MYBBP1A: variants seen among roughly 807,000 people sequenced by gnomAD.
MYBBP1A encodes myb-binding protein 1A.
A neutral mutation model predicts 136.3 loss-of-function variants in MYBBP1A; 147 were observed. The ratio of observed to expected loss-of-function variants is 1.08; its 90% CI spans 0.94 to 1.24. MYBBP1A has a LOEUF of 1.24. Among genes scored for constraint, MYBBP1A ranks in the 50% most tolerant of loss-of-function variants. The pLI, the probability that MYBBP1A is intolerant of heterozygous loss-of-function variation, is 0.00. For missense variants in MYBBP1A, 2,060 were observed against 1,727.4 expected (o/e 1.19, Z -3.41); for synonymous variants, 947 against 735.8 (o/e 1.29, Z -4.65).
Position 4,540,086 on chromosome 17 carries a change from C to CCCTATGAGGGTCCCGTGAGGGT in MYBBP1A, c.3435-141_3435-120dup, listed in dbSNP as rs1009327474. 2.1e-4 allele frequency: 273 copies of CCCTATGAGGGTCCCGTGAGGGT among 1,289,610 alleles called. 1 individual carries two copies. Among genetic ancestry groups the CCCTATGAGGGTCCCGTGAGGGT allele is most frequent in the Middle Eastern group, 2.6e-4 (1 of 3,798 alleles). 79.9% of individuals were successfully genotyped at this position (1,289,610 alleles called of 1,614,324 possible). A position where few individuals can be genotyped will look rare whatever the true frequency, so the allele number is the denominator to read the frequency against. On this transcript the variant is annotated intron_variant, in intron 25 of 25. Transcript: ENST00000254718. ...CTGAGGCCCCTAGGTTCTGTGAGGC[C>CCCTATGAGGGTCCCGTGAGGGT]CCTATGAGGGTCCCGTGAGGGTCCT...
intron 10 of MYBBP1A, 123 bp downstream of exon 10, chr17:4,549,208 GC>G (rs1388130858): frequency 1.3e-6 from 1 of 753,504 alleles, no homozygotes; most frequent in Non-Finnish European, 2.1e-6. Flanking sequence ...CCTTGTGCCT[GC>G]CCCCCACTGA....
At chr17:4,551,852 A>G (rs1907535416) in intron 8 of MYBBP1A, 28 bp downstream of exon 8, 2 of 1,589,586 alleles carry the variant, frequency 1.3e-6, no homozygotes, top group Non-Finnish European at 1.7e-6. Flanking sequence ...CCTTTCTGGC[A>G]GTGTCGAGCT....
rs1036748828 is a variant in MYBBP1A, at chr17:4,552,311, T to C, written c.738-19A>G. On this transcript the variant is annotated intron_variant, in intron 6 of 25. Coordinates refer to ENST00000254718, the MANE Select transcript of MYBBP1A (RefSeq NM_014520.4). This position sits in a 1 kb window ranked among gnomAD's most constrained non-coding sequence, Gnocchi z 4.7. The stretch of plus-strand genomic sequence containing the variant: ...CACCAGCCTGCGGAGGGCAAGGGAC[T>C]CAGGGAACACTTGCCTCACAGGCAA... 1 of 1,613,318 alleles carries C rather than the reference T, an allele frequency of 6.2e-7. No homozygotes were observed. Among genetic ancestry groups the C allele is most frequent in the African/African-American group, 1.3e-5 (1 of 74,910 alleles).
At chr17:4,554,149 A>G (rs1335959377) in intron 3 of MYBBP1A, 46 bp downstream of exon 3, 1 of 1,612,472 alleles carries the variant, frequency 6.2e-7, no homozygotes, top group Non-Finnish European at 8.5e-7. Flanking sequence ...CCATTCCCCA[A>G]GCCTCCCACC....
chr17:4,540,655 G>A (rs1033669289), intron 24 of MYBBP1A, among the ~76,000 whole-genome samples, 171 bp from the exon 25 acceptor site: 8 of 151,012 alleles, frequency 5.3e-5, no homozygotes, highest in African/African-American at 1.9e-4. Context: ...TACCGAGGGA[G>A]GAAACACGCG....
rs1039020945 is a variant in MYBBP1A, at chr17:4,554,377, A to G, written c.295-99T>C. 25 of 1,028,078 alleles carry G rather than the reference A, an allele frequency of 2.4e-5. No individual in the cohort carries two copies. In the African/African-American group the frequency reaches 3.2e-4, roughly 13 times the overall value. 63.7% of individuals were successfully genotyped at this position (1,028,078 alleles called of 1,614,324 possible). A position where few individuals can be genotyped will look rare whatever the true frequency, so the allele number is the denominator to read the frequency against. On this transcript the variant is annotated intron_variant, in intron 2 of 25. Transcript: ENST00000254718. Reference sequence around the variant, plus strand: ...TCCCTTCCCCCTTCAACTTCTCCCAAGAAGCCTCAGGTCCCTAGTCCCACC... The same window carrying G: ...TCCCTTCCCCCTTCAACTTCTCCCAGGAAGCCTCAGGTCCCTAGTCCCACC...
Position 4,552,677 on chromosome 17 carries a change from G to C in MYBBP1A, c.562-51C>G. On this transcript the variant is annotated intron_variant, in intron 5 of 25. Transcript: ENST00000254718. The surrounding 1 kb of genome is among the most constrained non-coding windows in gnomAD (Gnocchi z 4.7). The stretch of plus-strand genomic sequence containing the variant: ...TGACTTCCTCTGCGGGGTGAGCCTG[G>C]TGGATCCTGTTCTACCTGCTCCTGA... The C allele has an allele frequency of 6.4e-7, 1 of 1,565,100 alleles. No homozygotes were observed. The highest frequency in any genetic ancestry group is 8.7e-7 in the Non-Finnish European group (1 of 1,147,290).
intron 19 of MYBBP1A, among the ~76,000 whole-genome samples, chr17:4,543,886 C>CT (rs5818964): frequency 2.0e-5 from 3 of 151,030 alleles, no homozygotes; most frequent in African/African-American, 4.9e-5. Flanking sequence ...GACTCAGACC[C>CT]TTCCCCACGC....
At position 4,541,675 on chromosome 17, in the gene MYBBP1A, G is replaced by T. The variant is rs1906447225; in HGVS notation, c.3195+109C>A. 3.5e-6 allele frequency: 5 copies of T among 1,436,444 alleles called. No homozygotes were observed. In the African/African-American group the frequency reaches 7.0e-5, roughly 20 times the overall value. 89.0% of individuals were successfully genotyped at this position (1,436,444 alleles called of 1,614,324 possible). A position where few individuals can be genotyped will look rare whatever the true frequency, so the allele number is the denominator to read the frequency against. On this transcript the variant is annotated intron_variant, in intron 23 of 25. Coordinates refer to ENST00000254718, the MANE Select transcript of MYBBP1A (RefSeq NM_014520.4). ...GGGACCGTCTCCTGGGACAACCCCAGTTCTCCCGACTCTGGACTCAGGCTC... is the reference window on the plus strand; with the variant it reads ...GGGACCGTCTCCTGGGACAACCCCATTTCTCCCGACTCTGGACTCAGGCTC...
rs756173574 is a variant in MYBBP1A at position 4,538,958 on chromosome 17, G to A, written c.*457C>T. ...TGCTCCTTTATTTTTTAGAGCTGCT[G>A]ATTGTGAATCTCAGAGTCTTAAGAG... On this transcript the variant is annotated 3_prime_UTR_variant, in exon 26 of 26. Transcript: ENST00000254718. 3 of 786,630 alleles carry A rather than the reference G, an allele frequency of 3.8e-6. 1 individual carries two copies. Among genetic ancestry groups the A allele is most frequent in the Admixed American group, 3.4e-5 (2 of 59,038 alleles). 48.7% of individuals were successfully genotyped at this position (786,630 alleles called of 1,614,324 possible).
chr17:4,554,681 C>G (rs140585803), intron 2 of MYBBP1A, among the ~76,000 whole-genome samples, 180 bp downstream of exon 2: 1 of 152,330 alleles, frequency 6.6e-6, no homozygotes, highest in Non-Finnish European at 1.5e-5. Flanking sequence ...CCAGGCCTTG[C>G]TCACACCTTC....
rs199695378 is a variant in MYBBP1A at position 4,539,006 on chromosome 17, G to A, written c.*409C>T. 4.4e-3 allele frequency: 3,555 copies of A among 815,496 alleles called. 12 individuals carry two copies. The highest frequency in any genetic ancestry group is 6.4e-3 in the Non-Finnish European group (2,865 of 450,076). 50.5% of individuals were successfully genotyped at this position (815,496 alleles called of 1,614,324 possible). ...GAGAGAAGCCAAATATATTCCTCTTGTAAATGAAGAAATAAACCTATTTAA... is the reference window on the plus strand; with the variant it reads ...GAGAGAAGCCAAATATATTCCTCTTATAAATGAAGAAATAAACCTATTTAA... On this transcript the variant is annotated 3_prime_UTR_variant, in exon 26 of 26. Transcript: ENST00000254718.
At position 4,553,994 on chromosome 17, in the gene MYBBP1A, C is replaced by A. The variant is rs573142261; in HGVS notation, c.453+25G>T. The A allele has an allele frequency of 2.1e-4, 345 of 1,613,706 alleles. 1 individual carries two copies. In the South Asian group the frequency reaches 3.6e-3, roughly 17 times the overall value. On this transcript the variant is annotated intron_variant, in intron 4 of 25. Coordinates refer to ENST00000254718, the MANE Select transcript of MYBBP1A (RefSeq NM_014520.4). ...CACCCATCCCAAGCCAGCCTACATTCCCCCAGTCCCTCCAAAGCTCTTACC... is the reference window on the plus strand; with the variant it reads ...CACCCATCCCAAGCCAGCCTACATTACCCCAGTCCCTCCAAAGCTCTTACC...
chr17:4,541,083 C>T (rs1906374349), intron 24 of MYBBP1A, among the ~76,000 whole-genome samples: 1 of 152,264 alleles, frequency 6.6e-6, no homozygotes. Context: ...CCCAGCCCTG[C>T]CCTGATGGCT....
Position 4,548,840 on chromosome 17 carries a change from C to T in MYBBP1A, c.1431-191G>A, listed in dbSNP as rs764810100. Among the ~76,000 whole-genome samples, 19 of 152,294 alleles carry T rather than the reference C, an allele frequency of 1.2e-4. 1 individual carries two copies. Among genetic ancestry groups the T allele is most frequent in the East Asian group, 1.9e-4 (1 of 5,180 alleles). ...GGGCTGGGCTAGGATGGGAAGGGGC[C>T]GTTTCTCTGCTCTGGATCCCCAGCT... On this transcript the variant is annotated intron_variant, in intron 10 of 25. Coordinates refer to ENST00000254718, the MANE Select transcript of MYBBP1A (RefSeq NM_014520.4). The surrounding 1 kb of genome is among the most constrained non-coding windows in gnomAD (Gnocchi z 4.2).
intron 19 of MYBBP1A, 132 bp from the exon 20 acceptor site, chr17:4,543,297 CAG>C (rs1344633025): frequency 2.3e-6 from 3 of 1,294,768 alleles, no homozygotes; most frequent in East Asian, 2.5e-5. Context: ...ACCCAGGCCA[CAG>C]AGGAGGGCCC....
In MYBBP1A at chr17:4,542,514, G is replaced by A. The variant is rs532580880; in HGVS notation, c.3037C>T (p.Leu1013Phe). ...GTGATATGCTGGACCAGGATGGGGA[G>A]CAGGCTCTGACAGAGCACCTGGTGG... Reference protein sequence around the residue: ...SRHPVLCQSLLPILVQHITGP... With the variant: ...SRHPVLCQSLFPILVQHITGP... Residue 1013 changes from leucine to phenylalanine, a missense_variant, in exon 22 of 26, where the codon CTC becomes TTC. Coordinates refer to ENST00000254718, the MANE Select transcript of MYBBP1A (RefSeq NM_014520.4). 33 of 1,612,326 alleles carry A rather than the reference G, an allele frequency of 2.0e-5. No individual in the cohort carries two copies. The East Asian group carries it at 3.4e-4, about 16-fold the overall frequency.
Position 4,554,843 on chromosome 17 carries a change from C to G in MYBBP1A, c.294+18G>C, listed in dbSNP as rs777472479. ...TTTGACCTGGATGGCTGGGACCCTG[C>G]CAGGAGCACCACCTCACCTGTGCCA... On this transcript the variant is annotated intron_variant, in intron 2 of 25. Transcript: ENST00000254718. The G allele has an allele frequency of 3.1e-6, 5 of 1,611,954 alleles. No individual in the cohort carries two copies. Among genetic ancestry groups the G allele is most frequent in the East Asian group, 2.2e-5 (1 of 44,880 alleles).
At position 4,542,523 on chromosome 17, in the gene MYBBP1A, G is replaced by A. The variant is rs377666174; in HGVS notation, c.3028C>T (p.Gln1010Ter). The A allele has an allele frequency of 1.2e-6, 2 of 1,612,646 alleles. No individual in the cohort carries two copies. The highest frequency in any genetic ancestry group is 1.7e-5 in the Admixed American group (1 of 59,926). ...TGGACCAGGATGGGGAGCAGGCTCT[G>A]ACAGAGCACCTGGTGGGGAGTGACA... ...SLFSRHPVLC[Q>*]SLLPILVQHI... The change falls in exon 22 of 26, where the codon CAG (glutamine) becomes TAG (stop). Residue 1010 changes from glutamine to a stop codon, truncating the protein, a stop_gained. Transcript: ENST00000254718. LOFTEE classifies it high-confidence loss of function.
Sources: gnomAD v4.1 joint callset for allele counts (sites outside exome capture counted in the v4.1 genomes callset) on GRCh38, gnomAD v4.1.1 for gene constraint, Gnocchi (gnomAD v3.1) non-coding constraint, MANE v1.5 for transcripts, NCBI Gene and HGNC (gene_info 2026-07-23, HGNC 2026-07-21) for gene names.